GOLGA5: variants seen among roughly 807,000 people sequenced by gnomAD.
The protein encoded by GOLGA5 is golgin A5.
GOLGA5 carries 50 observed loss-of-function variants against 93.5 expected under a neutral mutation model. The ratio of observed to expected loss-of-function variants is 0.53; its 90% CI spans 0.43 to 0.68. The LOEUF is 0.68. Ranked by LOEUF, GOLGA5 falls within the 30% of genes least tolerant of loss-of-function variation. GOLGA5 has a pLI of 0.00. For missense variants in GOLGA5, 760 were observed against 856.4 expected (o/e 0.89, Z 1.40); for synonymous variants, 312 against 304.5 (o/e 1.02, Z -0.26).
intron 6 of GOLGA5, 143 bp downstream of exon 6, chr14:92,811,897 AT>A (rs1885110309): frequency 4.6e-6 from 3 of 645,960 alleles, no homozygotes; most frequent in Admixed American, 3.0e-5. Context: ...TACTTTAGAA[AT>A]TTTATTAAAG....
Position 92,811,585 on chromosome 14 carries a change from T to C in GOLGA5, c.1151T>C (p.Met384Thr). Reference sequence around the variant, plus strand: ...GCTGCACGCCTTAATAAAGTGGAAATGGAACGTCAGAATTTAGCAGAAGCA... The same window carrying C: ...GCTGCACGCCTTAATAAAGTGGAAACGGAACGTCAGAATTTAGCAGAAGCA... ...EFAARLNKVEMERQNLAEAIT... is the reference protein window; with the variant it reads ...EFAARLNKVETERQNLAEAIT... Residue 384 changes from methionine to threonine, a missense_variant, in exon 6 of 13, where the codon ATG becomes ACG. Physicochemically the swap from Met to Thr is moderately conservative, Grantham distance 81. Coordinates refer to ENST00000163416, the MANE Select transcript of GOLGA5 (RefSeq NM_005113.4). 6.2e-7 allele frequency: 1 copy of C among 1,613,404 alleles called. No homozygotes were observed. The highest frequency in any genetic ancestry group is 8.5e-7 in the Non-Finnish European group (1 of 1,179,412).
At chr14:92,806,705 A>G (rs1221459059) in intron 2 of GOLGA5, 31 bp from the exon 3 acceptor site, 1 of 1,463,132 alleles carries the variant, frequency 6.8e-7, no homozygotes, top group South Asian at 1.1e-5. Flanking sequence ...GAACACGCCA[A>G]TGTAACAAAA....
chr14:92,820,586 A>G (rs1248642201), intron 8 of GOLGA5, among the ~76,000 whole-genome samples: 4 of 152,198 alleles, frequency 2.6e-5, no homozygotes, highest in Non-Finnish European at 5.9e-5. Flanking sequence ...GGGGACGGTC[A>G]GGTCTTTCCC....
chr14:92,812,969 C>G (rs1885132990), intron 6 of GOLGA5, among the ~76,000 whole-genome samples: 1 of 152,224 alleles, frequency 6.6e-6, no homozygotes, highest in Non-Finnish European at 1.5e-5. Flanking sequence ...CAGCTGCCTA[C>G]TGTGCAGGCA....
chr14:92,804,996 T>A (rs1381876255), intron 2 of GOLGA5, among the ~76,000 whole-genome samples: 2 of 152,176 alleles, frequency 1.3e-5, no homozygotes, highest in Non-Finnish European at 2.9e-5. Flanking sequence ...CTACCCCACT[T>A]GATTATTAGC....
intron 6 of GOLGA5, among the ~76,000 whole-genome samples, chr14:92,812,327 T>C (rs1885120400): frequency 6.6e-6 from 1 of 152,232 alleles, no homozygotes; most frequent in Non-Finnish European, 1.5e-5. Flanking sequence ...CATAGATCTA[T>C]GCCCTTCCTT....
intron 7 of GOLGA5, 74 bp downstream of exon 7, chr14:92,816,495 C>T (rs1388864545): frequency 8.1e-7 from 1 of 1,236,308 alleles, no homozygotes; most frequent in Non-Finnish European, 1.2e-6. Flanking sequence ...GGTGGGGAAA[C>T]AGCATTACTA....
intron 3 of GOLGA5, 149 bp downstream of exon 3, chr14:92,807,112 C>A: frequency 1.7e-6 from 1 of 583,008 alleles, no homozygotes; most frequent in Non-Finnish European, 3.1e-6. Flanking sequence ...CCAGTCTGGC[C>A]AACATGGTGA....
chr14:92,837,253 G>T (rs889503340), intron 11 of GOLGA5, 133 bp from the exon 12 acceptor site: 2 of 544,294 alleles, frequency 3.7e-6, no homozygotes, highest in Admixed American at 3.0e-5. Context: ...TATAAAAATT[G>T]TTCTTCTGTG....
chr14:92,795,359 TTTC>T (rs1884703236), intron 1 of GOLGA5, among the ~76,000 whole-genome samples: 1 of 152,180 alleles, frequency 6.6e-6, no homozygotes, highest in Non-Finnish European at 1.5e-5. Flanking sequence ...AAAGGATGAG[TTTC>T]TTCTTGAGGT....
chr14:92,822,579 A>G (rs1008786102), intron 8 of GOLGA5, among the ~76,000 whole-genome samples: 1 of 152,186 alleles, frequency 6.6e-6, no homozygotes, highest in Non-Finnish European at 1.5e-5. Flanking sequence ...TTTGTCTATA[A>G]TATGAATTGC....
In GOLGA5 at chr14:92,816,422, G is replaced by A; in HGVS notation, c.1491+1G>A. 1 of 1,613,320 alleles carries A rather than the reference G, an allele frequency of 6.2e-7. No individual in the cohort carries two copies. ...ACATCAGCTCAGATCCGAATTACAG[G>A]TAAGATTCATGGTGGTTCAGCTTAG... On this transcript the variant is annotated splice_donor_variant, in intron 7 of 12. Transcript: ENST00000163416. LOFTEE classifies it high-confidence loss of function.
intron 12 of GOLGA5, among the ~76,000 whole-genome samples, chr14:92,838,962 T>C (rs2269122): frequency 0.81 from 122,839 of 152,176 alleles, 50,125 homozygotes; most frequent in African/African-American, 0.91. Flanking sequence ...ACACATTATT[T>C]CTGTCTAGAA....
chr14:92,807,145 C>CA (rs932935197), intron 3 of GOLGA5, among the ~76,000 whole-genome samples, 182 bp downstream of exon 3: 4 of 151,750 alleles, frequency 2.6e-5, no homozygotes, highest in African/African-American at 9.7e-5. Flanking sequence ...ACTAAAAATA[C>CA]AAAAAAATTA....
intron 6 of GOLGA5, among the ~76,000 whole-genome samples, chr14:92,814,819 A>T (rs1187385664): frequency 1.3e-5 from 2 of 151,872 alleles, no homozygotes; most frequent in Non-Finnish European, 2.9e-5. Flanking sequence ...TCTTCTTCAA[A>T]CTCATCTTTT....
intron 10 of GOLGA5, among the ~76,000 whole-genome samples, chr14:92,834,741 G>A (rs146468516): frequency 3.9e-5 from 6 of 152,196 alleles, no homozygotes; most frequent in Admixed American, 6.5e-5. Context: ...ATCTTGAGAG[G>A]GGGGACTGAT....
At chr14:92,826,948 C>G (rs1186526262) in intron 9 of GOLGA5, among the ~76,000 whole-genome samples, 1 of 152,002 alleles carries the variant, frequency 6.6e-6, no homozygotes, top group Admixed American at 6.6e-5. Context: ...GAAAATGATA[C>G]ATTGCTATTC....
intron 9 of GOLGA5, 81 bp from the exon 10 acceptor site, chr14:92,833,041 C>G: frequency 1.3e-6 from 1 of 789,904 alleles, no homozygotes; most frequent in Non-Finnish European, 2.2e-6. Context: ...CACAATTTAC[C>G]TATGAAAATG....
intron 1 of GOLGA5, among the ~76,000 whole-genome samples, chr14:92,795,199 AG>A (rs1884698458): frequency 6.6e-6 from 1 of 152,072 alleles, no homozygotes; most frequent in Non-Finnish European, 1.5e-5. Flanking sequence ...TCGGCCTCCC[AG>A]TGTGTTGGGA....
Sources: gnomAD v4.1 joint callset for allele counts (sites outside exome capture counted in the v4.1 genomes callset) on GRCh38, gnomAD v4.1.1 for gene constraint, MANE v1.5 for transcripts, NCBI Gene and HGNC (gene_info 2026-07-23, HGNC 2026-07-21) for gene names.